The following WWOX variants were observed in gnomAD, a reference collection of about 807,000 sequenced individuals.
The protein encoded by WWOX is WW domain containing oxidoreductase, also known as WW domain-containing oxidoreductase.
WWOX carries 69 observed loss-of-function variants against 46.2 expected under a neutral mutation model. That is an observed-to-expected ratio of 1.49 (90% CI 1.23 to 1.82). WWOX has a LOEUF of 1.82. WWOX is among the 40% of genes most tolerant of loss of function. WWOX has a pLI of 0.00. For missense variants in WWOX, 919 were observed against 542.6 expected (o/e 1.69, Z -6.89); for synonymous variants, 359 against 202.6 (o/e 1.77, Z -6.56).
intron 8 of WWOX, among the ~76,000 whole-genome samples, chr16:78,788,737 G>T (rs527361658): frequency 1.8e-4 from 27 of 152,296 alleles, no homozygotes; most frequent in African/African-American, 6.0e-4. Context: ...CAAAGAGGGG[G>T]TTATGGGAAC....
intron 4 of WWOX, among the ~76,000 whole-genome samples, chr16:78,125,506 C>T (rs568837376): frequency 2.6e-5 from 4 of 152,270 alleles, no homozygotes; most frequent in African/African-American, 7.2e-5. Flanking sequence ...CTGGGAGTGG[C>T]ATCTGCGGGG....
chr16:78,679,815 A>G (rs1485066895), intron 8 of WWOX, among the ~76,000 whole-genome samples: 1 of 152,212 alleles, frequency 6.6e-6, no homozygotes, highest in African/African-American at 2.4e-5. Flanking sequence ...GCCTGCAGAA[A>G]GAGACACTCA....
intron 8 of WWOX, among the ~76,000 whole-genome samples, chr16:79,200,836 A>G (rs1236983909): frequency 6.6e-6 from 1 of 152,212 alleles, no homozygotes; most frequent in African/African-American, 2.4e-5. Flanking sequence ...TGCTGGGGCC[A>G]GGTGACAGGC....
chr16:78,249,119 C>T (rs961213819), intron 5 of WWOX, among the ~76,000 whole-genome samples: 1 of 152,116 alleles, frequency 6.6e-6, no homozygotes, highest in Admixed American at 6.5e-5. Context: ...TCCCAAAGTG[C>T]TGAGATTACA....
At chr16:78,931,599 A>G (rs765069085) in intron 8 of WWOX, among the ~76,000 whole-genome samples, 29 of 152,246 alleles carry the variant, frequency 1.9e-4, no homozygotes, top group Non-Finnish European at 3.5e-4. Flanking sequence ...AGTCTAATAG[A>G]GGAGGCACAT....
intron 6 of WWOX, among the ~76,000 whole-genome samples, chr16:78,387,983 G>C (rs2082095388): frequency 6.6e-6 from 1 of 151,996 alleles, no homozygotes; most frequent in Admixed American, 6.6e-5. Context: ...TGTGAGGGAA[G>C]GGATCTTAAA....
chr16:78,438,735 G>A (rs772271265), intron 8 of WWOX, among the ~76,000 whole-genome samples: 7 of 152,158 alleles, frequency 4.6e-5, no homozygotes, highest in Admixed American at 2.0e-4. Context: ...TGGAACTTCT[G>A]CGACGATCGG....
At position 78,550,974 on chromosome 16, in the gene WWOX, A is replaced by G. The variant is rs112806365; in HGVS notation, c.1056+118222A>G. On this transcript the variant is annotated intron_variant, in intron 8 of 8. Transcript: ENST00000566780. ...ATGACACTGTCTTTTGAAGAAAGAC[A>G]TTGCATGTTAGGATTCTGAGTAACA... 42 of 152,370 alleles carry G rather than the reference A, an allele frequency of 2.8e-4. 1 individual carries two copies. The highest frequency in any genetic ancestry group is 9.9e-4 in the African/African-American group (41 of 41,588). The allele number at this position is 152,370 out of a possible 1,614,324, so 9.4% of individuals were successfully genotyped here.
chr16:78,711,918 GCT>G (rs1397234192), intron 8 of WWOX, among the ~76,000 whole-genome samples: 3 of 152,064 alleles, frequency 2.0e-5, no homozygotes, highest in Admixed American at 6.5e-5. Context: ...TCAGAACAAA[GCT>G]CTCTTGGAAA....
At chr16:78,705,685 T>G (rs986499002) in intron 8 of WWOX, among the ~76,000 whole-genome samples, 5 of 152,242 alleles carry the variant, frequency 3.3e-5, no homozygotes, top group African/African-American at 4.8e-5. Flanking sequence ...TAGTTATTTA[T>G]TTATTTATTT....
chr16:78,395,752 T>TTTTTTC (rs143959184), intron 6 of WWOX, among the ~76,000 whole-genome samples: 8 of 151,236 alleles, frequency 5.3e-5, no homozygotes, highest in South Asian at 2.1e-4. Flanking sequence ...TTTTGTTTTG[T>TTTTTTC]TTTTTCTTTT....
At chr16:79,184,407 TCA>T (rs2050973533) in intron 8 of WWOX, among the ~76,000 whole-genome samples, 1 of 152,226 alleles carries the variant, frequency 6.6e-6, no homozygotes, top group African/African-American at 2.4e-5. Flanking sequence ...CCTGGAATAA[TCA>T]GTCACCATGT....
chr16:78,983,353 G>A (rs563631412), intron 8 of WWOX, among the ~76,000 whole-genome samples: 1 of 152,180 alleles, frequency 6.6e-6, no homozygotes, highest in African/African-American at 2.4e-5. Flanking sequence ...CTTCCGTGGT[G>A]TTCTTTCTTA....
At chr16:79,110,934 CA>C (rs2049404951) in intron 8 of WWOX, 1 of 152,194 alleles carries the variant, frequency 6.6e-6, no homozygotes. Context: ...ATGCCTGGCA[CA>C]AGGCCTTAAT....
intron 6 of WWOX, among the ~76,000 whole-genome samples, chr16:78,390,042 C>A (rs12149962): frequency 6.6e-6 from 1 of 152,196 alleles, no homozygotes; most frequent in East Asian, 1.9e-4. Context: ...CCACCCTGCC[C>A]GACCCTTTCA....
intron 8 of WWOX, among the ~76,000 whole-genome samples, chr16:79,149,248 G>C (rs898886374): frequency 6.6e-6 from 1 of 152,110 alleles, no homozygotes; most frequent in South Asian, 2.1e-4. Context: ...AAATGATAAT[G>C]GGTGTGTACT....
intron 8 of WWOX, among the ~76,000 whole-genome samples, chr16:78,974,515 G>T (rs1198033615): frequency 6.6e-6 from 1 of 152,186 alleles, no homozygotes; most frequent in African/African-American, 2.4e-5. Flanking sequence ...ATCCGTCTCT[G>T]TTAAGGTTAT....
At chr16:79,182,918 C>T (rs898449108) in intron 8 of WWOX, among the ~76,000 whole-genome samples, 3 of 152,152 alleles carry the variant, frequency 2.0e-5, no homozygotes, top group African/African-American at 7.2e-5. Context: ...GATGAGCATC[C>T]TCAGAAAGTA....
In WWOX at chr16:79,212,291, T is replaced by A; in HGVS notation, c.*495T>A. On this transcript the variant is annotated 3_prime_UTR_variant, in exon 9 of 9. Transcript: ENST00000566780. ...TCATCCTGACCAAGACTGAGCCAGCTTAGCAACTGCTGGGGAGACAAATCT... is the reference window on the plus strand; with the variant it reads ...TCATCCTGACCAAGACTGAGCCAGCATAGCAACTGCTGGGGAGACAAATCT... 9.4e-7 allele frequency: 1 copy of A among 1,061,690 alleles called. No homozygotes were observed. Among genetic ancestry groups the A allele is most frequent in the Non-Finnish European group, 1.3e-6 (1 of 762,906 alleles). 65.8% of individuals were successfully genotyped at this position (1,061,690 alleles called of 1,614,324 possible).
Sources: allele counts gnomAD v4.1 joint callset (sites outside exome capture counted in the v4.1 genomes callset), GRCh38; gene constraint gnomAD v4.1.1; transcripts MANE v1.5; gene names NCBI Gene and HGNC (gene_info 2026-07-23, HGNC 2026-07-21).